DAB2IP: variants seen among roughly 807,000 people sequenced by gnomAD.
DAB2IP encodes the protein disabled homolog 2-interacting protein.
A neutral mutation model predicts 107.2 loss-of-function variants in DAB2IP; 28 were observed. The ratio of observed to expected loss-of-function variants is 0.26; its 90% CI spans 0.19 to 0.36. The LOEUF (loss-of-function observed/expected upper bound fraction) is 0.36. Ranked by LOEUF, DAB2IP falls within the 10% of genes least tolerant of loss-of-function variation. The pLI, the probability that DAB2IP is intolerant of heterozygous loss-of-function variation, is 1.00. For missense variants in DAB2IP, 1,400 were observed against 1,644.7 expected, an observed-to-expected ratio of 0.85 and a Z score of 2.57; for synonymous variants, 755 against 706.4, an observed-to-expected ratio of 1.07 and a Z score of -1.09.
intron 1 of DAB2IP, among the ~76,000 whole-genome samples, chr9:121,621,712 T>G (rs1265373655): frequency 4.0e-5 from 6 of 149,096 alleles, no homozygotes. Flanking sequence ...CTTGGCTCAC[T>G]GCAACCTCCA....
intron 1 of DAB2IP, among the ~76,000 whole-genome samples, chr9:121,624,997 C>T (rs886817168): frequency 2.0e-5 from 3 of 152,208 alleles, no homozygotes; most frequent in Admixed American, 6.5e-5. Context: ...TAAGCACTCG[C>T]ACTGCCTGCC....
chr9:121,597,715 G>C (rs1217574740), intron 1 of DAB2IP, among the ~76,000 whole-genome samples: 1 of 152,226 alleles, frequency 6.6e-6, no homozygotes, highest in African/African-American at 2.4e-5. Flanking sequence ...AACTGAGGCA[G>C]AAGGTAAAAC....
rs1830576350 is a variant in DAB2IP, at chr9:121,598,426, C to G, written c.40+31198C>G. Reference sequence around the variant, plus strand: ...CCTCACCCCGGGCCTGGCCCGGGACCGACCACGGAGGCGGAGGCCGCGGGC... The same window carrying G: ...CCTCACCCCGGGCCTGGCCCGGGACGGACCACGGAGGCGGAGGCCGCGGGC... On this transcript the variant is annotated intron_variant, in intron 1 of 16. Transcript: ENST00000259371. The G allele has an allele frequency of 2.6e-5, 4 of 152,278 alleles. No homozygotes were observed. The South Asian group carries it at 8.3e-4, about 32-fold the overall frequency. 9.4% of individuals were successfully genotyped at this position (152,278 alleles called of 1,614,324 possible).
intron 1 of DAB2IP, among the ~76,000 whole-genome samples, chr9:121,639,028 T>A (rs1832189004): frequency 6.6e-6 from 1 of 152,110 alleles, no homozygotes; most frequent in South Asian, 2.1e-4. Context: ...GGAGTAGGGC[T>A]GGGGCCATAT....
chr9:121,572,043 C>G (rs1193045632), intron 1 of DAB2IP, among the ~76,000 whole-genome samples: 1 of 152,128 alleles, frequency 6.6e-6, no homozygotes, highest in Non-Finnish European at 1.5e-5. Flanking sequence ...TGTGAAAAGT[C>G]CAGCTCAGAG....
At chr9:121,608,558 A>G (rs1830970204) in intron 1 of DAB2IP, among the ~76,000 whole-genome samples, 1 of 152,090 alleles carries the variant, frequency 6.6e-6, no homozygotes, top group South Asian at 2.1e-4. Flanking sequence ...TAAGGTAGTG[A>G]TGGGAATAAA....
At chr9:121,766,052 G>A (rs1415904584) in intron 8 of DAB2IP, among the ~76,000 whole-genome samples, 1 of 152,240 alleles carries the variant, frequency 6.6e-6, no homozygotes, top group East Asian at 1.9e-4. Context: ...GTCTATTCCT[G>A]TTTTCCTCAC....
intron 4 of DAB2IP, 22 bp from the exon 5 acceptor site, chr9:121,758,876 C>G (rs768112950): frequency 5.6e-6 from 9 of 1,608,038 alleles, no homozygotes; most frequent in Middle Eastern, 1.6e-4. Flanking sequence ...CCTCATAACA[C>G]TGTCTTGCCT....
rs535935478 is a variant in DAB2IP, at chr9:121,764,473, G to A, written c.1460+594G>A. ...CGGAATCAGTCCCGGAGAAACTTGCGGTAAGGCCGACTTCACGGCCACCAG... is the reference window on the plus strand; with the variant it reads ...CGGAATCAGTCCCGGAGAAACTTGCAGTAAGGCCGACTTCACGGCCACCAG... On this transcript the variant is annotated intron_variant, in intron 8 of 15. Coordinates refer to ENST00000408936, the Ensembl canonical transcript of DAB2IP. Among the ~76,000 whole-genome samples, 24 of 152,344 alleles carry A rather than the reference G, an allele frequency of 1.6e-4. No homozygotes were observed. In the South Asian group the frequency reaches 2.3e-3, roughly 14 times the overall value.
intron 1 of DAB2IP, among the ~76,000 whole-genome samples, chr9:121,643,958 A>G (rs1214305920): frequency 6.6e-6 from 1 of 152,208 alleles, no homozygotes; most frequent in Non-Finnish European, 1.5e-5. Context: ...ACTTAAGGCC[A>G]GGAGTTCGAG....
chr9:121,607,728 C>T (rs1830932483), intron 1 of DAB2IP, among the ~76,000 whole-genome samples: 1 of 152,224 alleles, frequency 6.6e-6, no homozygotes, highest in Non-Finnish European at 1.5e-5. Context: ...ATGGTTTTCC[C>T]CTCTGGGTGA....
In DAB2IP at chr9:121,662,662, C is replaced by T. The variant is rs1833257079; in HGVS notation, c.124+10763C>T. On this transcript the variant is annotated intron_variant, in intron 1 of 15. Transcript: ENST00000408936. This position sits in a 1 kb window ranked among gnomAD's most constrained non-coding sequence, Gnocchi z 4.6. ...ACAGCTAAAGCCACCTACTCTCTCTCCAGGCATAACTGGCCACCTAAAGGT... is the reference window on the plus strand; with the variant it reads ...ACAGCTAAAGCCACCTACTCTCTCTTCAGGCATAACTGGCCACCTAAAGGT... Among the ~76,000 whole-genome samples the T allele has an allele frequency of 6.6e-6, 1 of 152,220 alleles. No homozygotes were observed. Among genetic ancestry groups the T allele is most frequent in the Non-Finnish European group, 1.5e-5 (1 of 68,026 alleles).
intron 3 of DAB2IP, among the ~76,000 whole-genome samples, chr9:121,719,016 G>C (rs1038996079): frequency 2.6e-5 from 4 of 152,192 alleles, no homozygotes; most frequent in African/African-American, 9.7e-5. Context: ...GAGGGCACTG[G>C]ATGGGATCTC....
At chr9:121,607,642 A>C (rs913139211) in intron 1 of DAB2IP, among the ~76,000 whole-genome samples, 5 of 152,106 alleles carry the variant, frequency 3.3e-5, no homozygotes, top group Non-Finnish European at 5.9e-5. Context: ...TGTCCTACTT[A>C]CTATTGCCTT....
chr9:121,622,426 AG>A (rs1831506500), intron 1 of DAB2IP, among the ~76,000 whole-genome samples: 1 of 152,216 alleles, frequency 6.6e-6, no homozygotes, highest in East Asian at 1.9e-4. Flanking sequence ...GGCTGCCTCC[AG>A]AAGTGTGTGC....
In DAB2IP at chr9:121,702,312, G is replaced by A. The variant is rs1001444227; in HGVS notation, c.362+2854G>A. On this transcript the variant is annotated intron_variant, in intron 3 of 15. Transcript: ENST00000408936. This position sits in a 1 kb window ranked among gnomAD's most constrained non-coding sequence, Gnocchi z 4.5. ...AGTCGGTTTCAGGGGTGGGGATGCC[G>A]AACCTGGCTGGTTGGGATTGAGGGT... 3.3e-5 allele frequency among the ~76,000 whole-genome samples: 5 copies of A among 152,154 alleles called. No individual in the cohort carries two copies. Among genetic ancestry groups the A allele is most frequent in the Non-Finnish European group, 4.4e-5 (3 of 68,032 alleles).
At chr9:121,612,021 G>A (rs1266794523) in intron 1 of DAB2IP, among the ~76,000 whole-genome samples, 13 of 152,178 alleles carry the variant, frequency 8.5e-5, no homozygotes, top group Admixed American at 8.5e-4. Context: ...GCACTTTATA[G>A]CAGTCTTGGG....
exon 16 of DAB2IP, chr9:121,784,953 C>G (rs1835907807): frequency 6.6e-6 from 1 of 152,632 alleles, no homozygotes; most frequent in Non-Finnish European, 1.5e-5. Context: ...TTGCCAGAGG[C>G]CCTGGAGGGA....
chr9:121,702,140 C>T lies in DAB2IP; in HGVS notation c.362+2682C>T, dbSNP rs1369897834. On this transcript the variant is annotated intron_variant, in intron 3 of 15. Coordinates refer to ENST00000408936, the Ensembl canonical transcript of DAB2IP. This position sits in a 1 kb window ranked among gnomAD's most constrained non-coding sequence, Gnocchi z 4.5. Reference sequence around the variant, plus strand: ...GGATGAATCTATCTGGTTTATATGGCTGCTGAAGAGGCTTTGTTGAATGCT... The same window carrying T: ...GGATGAATCTATCTGGTTTATATGGTTGCTGAAGAGGCTTTGTTGAATGCT... Among the ~76,000 whole-genome samples the T allele has an allele frequency of 6.6e-6, 1 of 152,206 alleles. No individual in the cohort carries two copies. Among genetic ancestry groups the T allele is most frequent in the Non-Finnish European group, 1.5e-5 (1 of 68,038 alleles).
Sources: allele counts gnomAD v4.1 joint callset (sites outside exome capture counted in the v4.1 genomes callset), GRCh38; gene constraint gnomAD v4.1.1; non-coding constraint Gnocchi (gnomAD v3.1); transcripts MANE v1.5; gene names NCBI Gene and HGNC (gene_info 2026-07-23, HGNC 2026-07-21).